MCCC1: variants seen among roughly 807,000 people sequenced by gnomAD.
MCCC1 encodes the protein methylcrotonoyl-CoA carboxylase subunit alpha, mitochondrial.
A neutral mutation model predicts 83.8 loss-of-function variants in MCCC1; 64 were observed. The ratio of observed to expected loss-of-function variants is 0.76; its 90% confidence interval spans 0.62 to 0.94. MCCC1 has a LOEUF of 0.94. Among genes scored for constraint, MCCC1 ranks in the 40% least tolerant of loss-of-function variants. MCCC1 has a pLI of 0.00. For missense variants in MCCC1, 807 were observed against 904.7 expected (o/e 0.89, Z 1.39); for synonymous variants, 322 against 315.4 (o/e 1.02, Z -0.22).
chr3:183,056,081 G>A (rs1040338674), intron 8 of MCCC1, among the ~76,000 whole-genome samples: 5 of 151,996 alleles, frequency 3.3e-5, no homozygotes, highest in East Asian at 1.9e-4. Flanking sequence ...AGTAAACAAA[G>A]TTTTTAACTT....
rs554610588 is a variant in MCCC1, at chr3:183,114,933, G to T, written c.-102+541C>A. Among the ~76,000 whole-genome samples, 6 of 152,126 alleles carry T rather than the reference G, an allele frequency of 3.9e-5. No homozygotes were observed. The East Asian group carries it at 9.7e-4, about 24-fold the overall frequency. ...ACAGTCCTGCAAACCAAGCTCCTTT[G>T]GATGCCCCTCTACCTTGCCAGTTGT... is the stretch of plus-strand genomic sequence containing the variant. On this transcript the variant is annotated intron_variant, in intron 1 of 17. Coordinates refer to the MCCC1 transcript ENST00000492597.
chr3:183,052,490 C>T (rs768367606), intron 8 of MCCC1, among the ~76,000 whole-genome samples: 3 of 152,256 alleles, frequency 2.0e-5, no homozygotes, highest in African/African-American at 4.8e-5. Context: ...GTCAACAAAA[C>T]GACTTCACTG....
At chr3:183,113,901 G>T (rs1275404833) in intron 1 of MCCC1, among the ~76,000 whole-genome samples, 1 of 152,052 alleles carries the variant, frequency 6.6e-6, no homozygotes, top group African/African-American at 2.4e-5. Context: ...AGTGCAGAGC[G>T]GGTGGGGAGC....
chr3:183,079,692 A>G (rs1016760281), intron 4 of MCCC1, among the ~76,000 whole-genome samples: 3 of 152,222 alleles, frequency 2.0e-5, no homozygotes, highest in South Asian at 2.1e-4. Context: ...CAGTACCCCA[A>G]TAGGGACTCT....
intron 15 of MCCC1, among the ~76,000 whole-genome samples, chr3:183,023,487 T>C (rs2108443072): frequency 6.6e-6 from 1 of 152,322 alleles, no homozygotes; most frequent in Non-Finnish European, 1.5e-5. Context: ...CATTTTAAAA[T>C]TGTGAATGTA....
Position 183,022,406 on chromosome 3 carries a change from A to C in MCCC1, c.1869+11T>G, listed in dbSNP as rs1560204507. On this transcript the variant is annotated intron_variant, in intron 16 of 18. Coordinates refer to ENST00000265594, the MANE Select transcript of MCCC1 (RefSeq NM_020166.5). ...TGCCCCAGGAGGGATATTATAAAGAAGAGACATTACCTTGGAAAATAGGTA... is the reference window on the plus strand; with the variant it reads ...TGCCCCAGGAGGGATATTATAAAGACGAGACATTACCTTGGAAAATAGGTA... The C allele has an allele frequency of 1.2e-6, 2 of 1,613,972 alleles. No individual in the cohort carries two copies. Among genetic ancestry groups the C allele is most frequent in the Non-Finnish European group, 8.5e-7 (1 of 1,179,846 alleles).
chr3:183,027,163 G>A (rs920995781), intron 14 of MCCC1, among the ~76,000 whole-genome samples: 2 of 152,172 alleles, frequency 1.3e-5, no homozygotes, highest in African/African-American at 2.4e-5. Context: ...CTGCGCCCAT[G>A]TAAGATAGAG....
intron 2 of MCCC1, among the ~76,000 whole-genome samples, chr3:183,093,162 G>A (rs1400415774): frequency 1.3e-5 from 2 of 152,088 alleles, no homozygotes; most frequent in Non-Finnish European, 2.9e-5. Context: ...CCGAAGTGCT[G>A]GGATTACAGG....
intron 14 of MCCC1, 120 bp from the exon 15 acceptor site, chr3:183,025,924 C>A: frequency 1.3e-6 from 1 of 799,914 alleles, no homozygotes; most frequent in South Asian, 1.6e-5. Context: ...GGAAAATCAA[C>A]AACTTTGAAC....
chr3:183,091,781 G>T (rs568140067), intron 3 of MCCC1, among the ~76,000 whole-genome samples: 3 of 152,008 alleles, frequency 2.0e-5, no homozygotes, highest in African/African-American at 7.2e-5. Context: ...GGTGGCTCAC[G>T]CCTGTTTGGC....
At chr3:183,107,254 A>T (rs768251176) in intron 1 of MCCC1, among the ~76,000 whole-genome samples, 3 of 151,904 alleles carry the variant, frequency 2.0e-5, no homozygotes, top group Admixed American at 6.6e-5. Context: ...AGAATAAAAA[A>T]AAAATTAGCT....
intron 8 of MCCC1, among the ~76,000 whole-genome samples, chr3:183,053,364 T>C (rs1461486608): frequency 3.9e-5 from 6 of 152,040 alleles, no homozygotes; most frequent in Admixed American, 3.9e-4. Flanking sequence ...AGCACACACC[T>C]ATAGTTCCAG....
At chr3:183,093,713 A>G (rs1472371576) in intron 2 of MCCC1, among the ~76,000 whole-genome samples, 5 of 152,174 alleles carry the variant, frequency 3.3e-5, no homozygotes, top group Non-Finnish European at 5.9e-5. Flanking sequence ...ATGGGGCTCT[A>G]TGGAGCCCAA....
chr3:183,050,243 C>G (rs1278146637), intron 9 of MCCC1, among the ~76,000 whole-genome samples: 1 of 151,974 alleles, frequency 6.6e-6, no homozygotes, highest in African/African-American at 2.4e-5. Flanking sequence ...GAGATTAAGT[C>G]AATAATTAAT....
chr3:183,113,858 C>CA lies in MCCC1; in HGVS notation c.-102+1615dup, dbSNP rs767170645. On this transcript the variant is annotated intron_variant, in intron 1 of 17. Transcript: ENST00000492597. ...TTAGCTGGTGGGTCAAAAATACAGG[C>CA]AAAATAACCCAGGGCTTGCAACTGG... Among the ~76,000 whole-genome samples the CA allele has an allele frequency of 2.2e-3, 339 of 152,148 alleles. 3 individuals are homozygous for CA. Among genetic ancestry groups the CA allele is most frequent in the Non-Finnish European group, 3.4e-3 (228 of 68,004 alleles).
intron 1 of MCCC1, among the ~76,000 whole-genome samples, chr3:183,114,136 T>G (rs1719549782): frequency 6.6e-6 from 1 of 152,192 alleles, no homozygotes; most frequent in South Asian, 2.1e-4. Flanking sequence ...ATATCCGCAG[T>G]GCCCAAGAAT....
At chr3:183,020,629 T>C (rs1454914885) in intron 16 of MCCC1, among the ~76,000 whole-genome samples, 1 of 150,940 alleles carries the variant, frequency 6.6e-6, no homozygotes, top group Non-Finnish European at 1.5e-5. Context: ...AGACTCTGAC[T>C]CAAAAAAAAA....
At position 183,017,398 on chromosome 3, in the gene MCCC1, T is replaced by G. The variant is rs548377110; in HGVS notation, c.1978-61A>C. On this transcript the variant is annotated intron_variant, in intron 17 of 18. Transcript: ENST00000265594. ...CACAGAGGTCCTAGATATGTTCATCTGCTTCATTATAGTAACCATTTTACT... is the reference window on the plus strand; with the variant it reads ...CACAGAGGTCCTAGATATGTTCATCGGCTTCATTATAGTAACCATTTTACT... The G allele has an allele frequency of 5.0e-5, 73 of 1,452,504 alleles. No homozygotes were observed. The African/African-American group carries it at 9.7e-4, about 19-fold the overall frequency. The allele number at this position is 1,452,504 out of a possible 1,614,324, so 90.0% of individuals were successfully genotyped here.
chr3:183,099,064 C>T, intron 1 of MCCC1: 2 of 558,748 alleles, frequency 3.6e-6, no homozygotes, highest in Non-Finnish European at 3.2e-6. Flanking sequence ...GCAGCGACGG[C>T]GAGGGGAGCC....
Sources: gnomAD v4.1 joint callset for allele counts (sites outside exome capture counted in the v4.1 genomes callset) on GRCh38, gnomAD v4.1.1 for gene constraint, MANE v1.5 for transcripts, NCBI Gene and HGNC (gene_info 2026-07-23, HGNC 2026-07-21) for gene names.